The following RORA variants were observed in gnomAD, a reference collection of about 807,000 sequenced individuals.
RORA encodes RAR related orphan receptor A.
In RORA, 7 loss-of-function variants were observed where a neutral mutation model predicts 69.5. That is an observed-to-expected ratio of 0.10 (90% CI 0.06 to 0.19). The LOEUF is 0.19. Ranked by LOEUF, RORA falls within the 10% of genes least tolerant of loss-of-function variation. RORA has a pLI of 1.00. For synonymous variants in RORA, 261 were observed against 240.8 expected (o/e 1.08, Z -0.78); for missense variants, 457 against 663.0 (o/e 0.69, Z 3.41).
At chr15:61,081,288 T>C (rs1295600884) in intron 1 of RORA, among the ~76,000 whole-genome samples, 1 of 152,160 alleles carries the variant, frequency 6.6e-6, no homozygotes, top group Non-Finnish European at 1.5e-5. Flanking sequence ...GTCTGTTCCT[T>C]ATTGCCTTAA....
chr15:60,916,265 T>C (rs375401705), intron 1 of RORA, among the ~76,000 whole-genome samples: 1 of 152,184 alleles, frequency 6.6e-6, no homozygotes, highest in East Asian at 1.9e-4. Context: ...CCTCCCTGCC[T>C]TGTAAAGGAA....
intron 2 of RORA, chr15:60,614,871 T>C (rs371383819): frequency 2.5e-6 from 4 of 1,600,756 alleles, no homozygotes; most frequent in African/African-American, 2.7e-5. Context: ...GCCTGGAGCA[T>C]AGTAAGCTCT....
rs2072096160 is a variant in RORA, at chr15:60,772,679, C to G, written c.167-93993G>C. On this transcript the variant is annotated intron_variant, in intron 1 of 10. Coordinates refer to ENST00000335670, the MANE Select transcript of RORA (RefSeq NM_134261.3). ...TTGCCTTTTTGCTCCTGTTGCTCTA[C>G]AGAAAAGATGGAGCGTTCATGAATG... Among the ~76,000 whole-genome samples the G allele has an allele frequency of 2.0e-5, 3 of 152,158 alleles. No individual in the cohort carries two copies. The South Asian group carries it at 6.2e-4, about 32-fold the overall frequency.
intron 2 of RORA, among the ~76,000 whole-genome samples, chr15:60,658,409 A>AGGGAGATC (rs2070255420): frequency 6.6e-6 from 1 of 152,166 alleles, no homozygotes; most frequent in African/African-American, 2.4e-5. Flanking sequence ...CAGGGAGATC[A>AGGGAGATC]AGGGGATTCC....
At position 60,918,898 on chromosome 15, in the gene RORA, G is replaced by A. The variant is rs76243685; in HGVS notation, c.167-240212C>T. Among the ~76,000 whole-genome samples the A allele has an allele frequency of 7.9e-5, 12 of 152,262 alleles. No homozygotes were observed. The East Asian group carries it at 2.3e-3, about 29-fold the overall frequency. The stretch of plus-strand genomic sequence containing the variant: ...AACTTGTTAGGCAGAGAGTAAGGAA[G>A]CTCAGAAAGCCCGTGCTTGAGCTAA... On this transcript the variant is annotated intron_variant, in intron 1 of 10. Coordinates refer to ENST00000335670, the MANE Select transcript of RORA (RefSeq NM_134261.3).
chr15:61,120,113 C>T (rs1040286701), intron 1 of RORA, among the ~76,000 whole-genome samples: 3 of 152,094 alleles, frequency 2.0e-5, no homozygotes, highest in African/African-American at 7.2e-5. Flanking sequence ...GCCCTGGCTG[C>T]CCATTAGAAT....
At chr15:61,141,657 G>T (rs919208349) in intron 1 of RORA, among the ~76,000 whole-genome samples, 2 of 151,784 alleles carry the variant, frequency 1.3e-5, no homozygotes, top group African/African-American at 4.9e-5. Context: ...ATTTCATAAG[G>T]ACAAGATTGA....
chr15:60,522,546 G>A (rs1307684814), intron 3 of RORA, among the ~76,000 whole-genome samples: 2 of 152,114 alleles, frequency 1.3e-5, no homozygotes, highest in Non-Finnish European at 2.9e-5. Context: ...GGCTGAGGCA[G>A]GAGGATCACT....
rs530043189 is a variant in RORA at position 60,590,201 on chromosome 15, T to TC, written c.197-58351_197-58350insG. The stretch of plus-strand genomic sequence containing the variant: ...TCTCTCTCTCTCTCTCTCTCTCTCT[T>TC]TCAGGCAGCTGAGTTTATAGAAAAA... On this transcript the variant is annotated intron_variant, in intron 2 of 10. Coordinates refer to ENST00000335670, the MANE Select transcript of RORA (RefSeq NM_134261.3). Among the ~76,000 whole-genome samples the TC allele has an allele frequency of 4.9e-4, 41 of 84,066 alleles. No homozygotes were observed. In the East Asian group the frequency reaches 0.013, roughly 26 times the overall value. 55.2% of individuals were successfully genotyped at this position (84,066 alleles called of 152,430 possible).
At chr15:61,082,214 C>G (rs1031167767) in intron 1 of RORA, among the ~76,000 whole-genome samples, 2 of 152,192 alleles carry the variant, frequency 1.3e-5, no homozygotes, top group Non-Finnish European at 2.9e-5. Context: ...TTTGGCCGGG[C>G]GCAGTGGCTC....
rs149811266 is a variant in RORA, at chr15:60,884,225, A to G, written c.167-205539T>C. 4.2e-3 allele frequency among the ~76,000 whole-genome samples: 637 copies of G among 152,254 alleles called. 2 individuals are homozygous for G. The highest frequency in any genetic ancestry group is 9.3e-3 in the South Asian group (45 of 4,814). ...GAAAGAGAGAGAGAGAGAGAAGGAC[A>G]AGAAGAAGAAGAAAATGGCACAGAC... On this transcript the variant is annotated intron_variant, in intron 1 of 10. Coordinates refer to ENST00000335670, the MANE Select transcript of RORA (RefSeq NM_134261.3).
intron 1 of RORA, among the ~76,000 whole-genome samples, chr15:60,890,980 C>G (rs1342900353): frequency 1.3e-5 from 2 of 152,192 alleles, no homozygotes; most frequent in African/African-American, 4.8e-5. Flanking sequence ...ATGTCCAAAT[C>G]ACAAGGAGGC....
chr15:60,758,615 A>G (rs139033402), intron 1 of RORA, among the ~76,000 whole-genome samples: 12 of 152,310 alleles, frequency 7.9e-5, no homozygotes, highest in Admixed American at 2.0e-4. Context: ...AGGATTTGCC[A>G]CGACTCTCTC....
At chr15:60,788,133 A>G (rs562372397) in intron 1 of RORA, among the ~76,000 whole-genome samples, 7 of 152,350 alleles carry the variant, frequency 4.6e-5, no homozygotes, top group Admixed American at 3.3e-4. Context: ...GTGACATTTG[A>G]GCCGAGACAG....
chr15:60,938,914 G>C (rs1313873704), intron 1 of RORA, among the ~76,000 whole-genome samples: 1 of 152,208 alleles, frequency 6.6e-6, no homozygotes, highest in African/African-American at 2.4e-5. Flanking sequence ...AAATAAAAAG[G>C]CACTGGCCCA....
intron 1 of RORA, among the ~76,000 whole-genome samples, chr15:60,909,758 C>T (rs1358972796): frequency 1.3e-5 from 2 of 152,194 alleles, no homozygotes; most frequent in South Asian, 2.1e-4. Flanking sequence ...CCTTGTTGTT[C>T]CATAGAGCCT....
chr15:61,161,376 G>T (rs754655591), intron 1 of RORA, among the ~76,000 whole-genome samples: 2 of 152,204 alleles, frequency 1.3e-5, no homozygotes, highest in African/African-American at 2.4e-5. Context: ...GGATTTGAGA[G>T]ACCTGGGTTC....
At chr15:60,950,650 T>G (rs1227372899) in intron 1 of RORA, among the ~76,000 whole-genome samples, 1 of 86,628 alleles carries the variant, frequency 1.2e-5, no homozygotes, top group Non-Finnish European at 2.3e-5. Flanking sequence ...TAGTCTCTGA[T>G]AAAACAGACT....
chr15:60,936,574 A>G (rs1892528381), intron 1 of RORA, among the ~76,000 whole-genome samples: 1 of 151,388 alleles, frequency 6.6e-6, no homozygotes, highest in Non-Finnish European at 1.5e-5. Context: ...CTAGCCCCCA[A>G]ACGGGGATCA....
Sources: gnomAD v4.1 joint callset for allele counts (sites outside exome capture counted in the v4.1 genomes callset) on GRCh38, gnomAD v4.1.1 for gene constraint, MANE v1.5 for transcripts, NCBI Gene and HGNC (gene_info 2026-07-23, HGNC 2026-07-21) for gene names.